Variants in TBC1D30 observed in about 807,000 individuals in gnomAD.
The protein encoded by TBC1D30 is TBC1 domain family, member 30.
TBC1D30 carries 31 observed loss-of-function variants against 63.2 expected under a neutral mutation model. That is an observed-to-expected ratio of 0.49 (90% CI 0.37 to 0.66). The LOEUF (loss-of-function observed/expected upper bound fraction) is 0.66, where lower values mean the gene tolerates loss of function less well. Ranked by LOEUF, TBC1D30 falls within the 30% of genes least tolerant of loss-of-function variation. The probability of loss-of-function intolerance (pLI) is 0.00; values close to 1 mark genes in which losing one functional copy is unlikely to be tolerated. For synonymous variants in TBC1D30, 307 were observed against 361.5 expected, an observed-to-expected ratio of 0.85 and a Z score of 1.71; for missense variants, 810 against 953.6, an observed-to-expected ratio of 0.85 and a Z score of 1.98.
chr12:64,772,294 A>T (rs1437497477), intron 1 of TBC1D30, among the ~76,000 whole-genome samples: 1 of 151,782 alleles, frequency 6.6e-6, no homozygotes, highest in East Asian at 1.9e-4. Flanking sequence ...TTTGTATCAC[A>T]TGCTTATGCC....
At chr12:64,799,684 G>A (rs190866194) in intron 2 of TBC1D30, among the ~76,000 whole-genome samples, 3 of 152,346 alleles carry the variant, frequency 2.0e-5, no homozygotes, top group African/African-American at 4.8e-5. Context: ...AATGTGATAC[G>A]TAAATGTGTC....
Position 64,834,097 on chromosome 12 carries a change from G to A in TBC1D30, c.594+1793G>A, listed in dbSNP as rs115624245. Among the ~76,000 whole-genome samples, 397 of 152,248 alleles carry A rather than the reference G, an allele frequency of 2.6e-3. 2 individuals are homozygous for A. The highest frequency in any genetic ancestry group is 7.8e-3 in the African/African-American group (324 of 41,546). On this transcript the variant is annotated intron_variant, in intron 5 of 11. Transcript: ENST00000539867. Reference sequence around the variant, plus strand: ...AGAAACTGAATATTTCAGCCCCCACGAAAATGGGCTCCATGCAATGAGATG... The same window carrying A: ...AGAAACTGAATATTTCAGCCCCCACAAAAATGGGCTCCATGCAATGAGATG...
chr12:64,836,680 ACT>A, intron 6 of TBC1D30, 22 bp downstream of exon 6: 4 of 1,516,634 alleles, frequency 2.6e-6, no homozygotes, highest in South Asian at 1.2e-5. Flanking sequence ...TGCTATTATA[ACT>A]CTGAAAATAT....
At chr12:64,869,647 G>A (rs1878500944) in intron 10 of TBC1D30, among the ~76,000 whole-genome samples, 1 of 151,476 alleles carries the variant, frequency 6.6e-6, no homozygotes, top group Admixed American at 6.6e-5. Context: ...TTTTCTTTCT[G>A]TGCATTTTTG....
chr12:64,771,656 A>G (rs1001932664), intron 1 of TBC1D30, among the ~76,000 whole-genome samples: 1 of 152,210 alleles, frequency 6.6e-6, no homozygotes, highest in African/African-American at 2.4e-5. Context: ...AACTTGGTTT[A>G]TAGACAAAAC....
intron 7 of TBC1D30, among the ~76,000 whole-genome samples, chr12:64,841,371 C>T (rs773260919): frequency 6.6e-6 from 1 of 152,212 alleles, no homozygotes; most frequent in Non-Finnish European, 1.5e-5. Flanking sequence ...TCCTCTGCCC[C>T]TGCTGTTTTG....
At position 64,870,343 on chromosome 12, in the gene TBC1D30, C is replaced by A. The variant is rs1345586588; in HGVS notation, c.1292-259C>A. Among the ~76,000 whole-genome samples, 5 of 152,258 alleles carry A rather than the reference C, an allele frequency of 3.3e-5. No individual in the cohort carries two copies. The East Asian group carries it at 9.7e-4, about 29-fold the overall frequency. ...AGCAGTTGATGTTATGTCTATATAG[C>A]TAACAAACTGGTAACAAAATCAAAC... On this transcript the variant is annotated intron_variant, in intron 10 of 11. Coordinates refer to ENST00000539867, the MANE Select transcript of TBC1D30 (RefSeq NM_015279.2).
intron 2 of TBC1D30, among the ~76,000 whole-genome samples, chr12:64,806,485 A>G (rs1872879242): frequency 6.6e-6 from 1 of 152,174 alleles, no homozygotes; most frequent in Non-Finnish European, 1.5e-5. Context: ...GCTCACATCC[A>G]TTAGGAGCTC....
intron 9 of TBC1D30, 29 bp from the exon 10 acceptor site, chr12:64,866,735 T>C (rs1249028524): frequency 2.0e-5 from 30 of 1,530,332 alleles, no homozygotes; most frequent in Non-Finnish European, 2.3e-5. Context: ...TCTTTGTATA[T>C]TTCTTTTTTG....
chr12:64,831,144 A>G (rs1874825070), intron 4 of TBC1D30, among the ~76,000 whole-genome samples: 1 of 152,204 alleles, frequency 6.6e-6, no homozygotes, highest in Non-Finnish European at 1.5e-5. Context: ...CTGGGGTTTT[A>G]AAAGGAAAGT....
At chr12:64,793,591 G>A (rs1872071958) in intron 2 of TBC1D30, among the ~76,000 whole-genome samples, 1 of 152,106 alleles carries the variant, frequency 6.6e-6, no homozygotes, top group African/African-American at 2.4e-5. Flanking sequence ...AACCTGGGAG[G>A]CGGAGGTTGC....
chr12:64,876,841 T>A lies in TBC1D30; in HGVS notation c.*1053T>A, dbSNP rs1194306483. The A allele has an allele frequency of 4.4e-6, 2 of 455,962 alleles. No homozygotes were observed. Among genetic ancestry groups the A allele is most frequent in the African/African-American group, 2.0e-5 (1 of 50,062 alleles). The allele number at this position is 455,962 out of a possible 1,614,324, so 28.2% of individuals were successfully genotyped here. On this transcript the variant is annotated 3_prime_UTR_variant, in exon 12 of 12. Transcript: ENST00000539867. ...CACTCCTGCCCTTTCTAGCTCTCTC[T>A]CACCCAGCGGGTCAGGGATAGCACC...
At chr12:64,813,198 T>C (rs949050474) in intron 2 of TBC1D30, among the ~76,000 whole-genome samples, 1 of 152,158 alleles carries the variant, frequency 6.6e-6, no homozygotes, top group Admixed American at 6.5e-5. Flanking sequence ...GAGACTAGCC[T>C]GGCCAACATG....
intron 1 of TBC1D30, among the ~76,000 whole-genome samples, chr12:64,771,645 C>G (rs1184903014): frequency 6.6e-6 from 1 of 152,156 alleles, no homozygotes; most frequent in Non-Finnish European, 1.5e-5. Flanking sequence ...GAAAAAGCCC[C>G]AACTTGGTTT....
chr12:64,801,003 T>G (rs996495873), intron 2 of TBC1D30, among the ~76,000 whole-genome samples: 3 of 152,216 alleles, frequency 2.0e-5, no homozygotes, highest in Non-Finnish European at 4.4e-5. Context: ...AGGCTTGTTC[T>G]GTGCTCCTCG....
chr12:64,853,338 C>A (rs967078295), intron 8 of TBC1D30, among the ~76,000 whole-genome samples: 1 of 152,120 alleles, frequency 6.6e-6, no homozygotes, highest in Non-Finnish European at 1.5e-5. Flanking sequence ...ACGTCCCTAC[C>A]CCCACCAAGC....
rs899123206 is a variant in TBC1D30 at position 64,759,946 on chromosome 12, A to G, written c.-376+297A>G. Among the ~76,000 whole-genome samples, 4 of 152,222 alleles carry G rather than the reference A, an allele frequency of 2.6e-5. No homozygotes were observed. The South Asian group carries it at 6.2e-4, about 24-fold the overall frequency. On this transcript the variant is annotated intron_variant, in intron 1 of 13. Transcript: ENST00000674237. ...TACAACTTGTGAGATAAATCTTAAC[A>G]TTCTCATTTGGCTCAGACATTAAAT...
intron 2 of TBC1D30, among the ~76,000 whole-genome samples, chr12:64,814,816 T>C (rs757398514): frequency 6.6e-6 from 1 of 152,222 alleles, no homozygotes. Flanking sequence ...ATTTCTCTAC[T>C]ACCAAAACTT....
intron 3 of TBC1D30, among the ~76,000 whole-genome samples, 167 bp from the exon 4 acceptor site, chr12:64,830,210 T>C (rs760517897): frequency 6.6e-6 from 1 of 152,184 alleles, no homozygotes; most frequent in South Asian, 2.1e-4. Flanking sequence ...TGCAAATCAG[T>C]GCAACAAACA....
Sources: allele counts gnomAD v4.1 joint callset (sites outside exome capture counted in the v4.1 genomes callset), GRCh38; gene constraint gnomAD v4.1.1; transcripts MANE v1.5; gene names NCBI Gene and HGNC (gene_info 2026-07-23, HGNC 2026-07-21).